AK7: variants seen among roughly 807,000 people sequenced by gnomAD.
AK7 encodes the protein ATP-AMP transphosphorylase 7.
Under a neutral mutation model 96.6 loss-of-function variants are expected in AK7, and 78 were observed. The observed-to-expected ratio is 0.81, with a 90% confidence interval of 0.67 to 0.97. The LOEUF (loss-of-function observed/expected upper bound fraction) is 0.97. Among genes scored for constraint, AK7 ranks in the 50% least tolerant of loss-of-function variants. AK7 has a pLI of 0.00. For synonymous variants in AK7, 302 were observed against 317.2 expected, an observed-to-expected ratio of 0.95 and a Z score of 0.51; for missense variants, 855 against 887.9, an observed-to-expected ratio of 0.96 and a Z score of 0.47.
At chr14:96,453,555 T>A (rs774211865) in intron 10 of AK7, among the ~76,000 whole-genome samples, 7 of 152,232 alleles carry the variant, frequency 4.6e-5, no homozygotes, top group Non-Finnish European at 7.3e-5. Context: ...AAGTCATTGC[T>A]GCTTCAGAGA....
Position 96,395,718 on chromosome 14 carries a change from GAAAAAAAAAAAA to G in AK7, c.106-2342_106-2331del, listed in dbSNP as rs71103518. 5.1e-4 allele frequency among the ~76,000 whole-genome samples: 21 copies of G among 41,042 alleles called. 1 individual carries two copies. The highest frequency in any genetic ancestry group is 7.7e-4 in the Non-Finnish European group (14 of 18,274). The allele number at this position is 41,042 out of a possible 152,430, so 26.9% of individuals were successfully genotyped here. A position where few individuals can be genotyped will look rare whatever the true frequency, so the allele number is the denominator to read the frequency against. On this transcript the variant is annotated intron_variant, in intron 1 of 17. Coordinates refer to ENST00000267584, the MANE Select transcript of AK7 (RefSeq NM_152327.5). ...AGGGCAGAGTAAAACCTTGTCTCTA[GAAAAAAAAAAAA>G]AAAAAAAAAAAAAAGAATGAGGGAA...
intron 12 of AK7, among the ~76,000 whole-genome samples, chr14:96,467,886 A>G (rs780030558): frequency 8.5e-5 from 13 of 152,142 alleles, no homozygotes; most frequent in Non-Finnish European, 1.5e-4. Flanking sequence ...TTATTTACCA[A>G]GTTCAAACTG....
At chr14:96,452,563 C>T (rs527825344) in intron 10 of AK7, among the ~76,000 whole-genome samples, 1 of 152,276 alleles carries the variant, frequency 6.6e-6, no homozygotes, top group East Asian at 1.9e-4. Flanking sequence ...TGGCCTCAAG[C>T]GATCCGCCTG....
intron 2 of AK7, among the ~76,000 whole-genome samples, chr14:96,401,434 T>C (rs1408314968): frequency 2.0e-5 from 3 of 152,116 alleles, no homozygotes; most frequent in African/African-American, 7.2e-5. Flanking sequence ...TGGGATCTAC[T>C]GGAGATGGTG....
At chr14:96,406,231 A>G (rs951045868) in intron 3 of AK7, among the ~76,000 whole-genome samples, 1 of 152,066 alleles carries the variant, frequency 6.6e-6, no homozygotes, top group African/African-American at 2.4e-5. Flanking sequence ...AACCTCATTT[A>G]ATACATCCAA....
intron 16 of AK7, among the ~76,000 whole-genome samples, chr14:96,483,856 C>T (rs1233920939): frequency 6.6e-6 from 1 of 152,142 alleles, no homozygotes; most frequent in Non-Finnish European, 1.5e-5. Context: ...ACCCATCTAA[C>T]CTACCCAGGT....
At chr14:96,444,844 A>C (rs1220869264) in intron 7 of AK7, among the ~76,000 whole-genome samples, 1 of 151,972 alleles carries the variant, frequency 6.6e-6, no homozygotes, top group African/African-American at 2.4e-5. Context: ...CAGCCTCCCA[A>C]GTAGCTGGGA....
chr14:96,422,093 T>C (rs2140043684), intron 5 of AK7, among the ~76,000 whole-genome samples: 1 of 152,302 alleles, frequency 6.6e-6, no homozygotes, highest in Non-Finnish European at 1.5e-5. Context: ...CCAGCATTTA[T>C]TATTAAGTTT....
At chr14:96,431,453 CGTT>C (rs1404379355) in intron 5 of AK7, among the ~76,000 whole-genome samples, 4 of 152,094 alleles carry the variant, frequency 2.6e-5, no homozygotes, top group African/African-American at 7.2e-5. Flanking sequence ...GATTCTGGTA[CGTT>C]GTGTCTTTGT....
At chr14:96,451,361 G>T in intron 9 of AK7, 60 bp from the exon 10 acceptor site, 1 of 1,459,508 alleles carries the variant, frequency 6.9e-7, no homozygotes, top group Non-Finnish European at 9.2e-7. Context: ...ATTTTGGTCT[G>T]TTATGACAGT....
chr14:96,425,305 A>G (rs1286341778), intron 5 of AK7, among the ~76,000 whole-genome samples: 2 of 152,200 alleles, frequency 1.3e-5, no homozygotes, highest in Admixed American at 1.3e-4. Context: ...TGGTTTATCT[A>G]CTGTTATCAC....
chr14:96,444,273 G>A (rs536114363), intron 7 of AK7, among the ~76,000 whole-genome samples: 63 of 152,174 alleles, frequency 4.1e-4, no homozygotes, highest in South Asian at 1.0e-3. Flanking sequence ...TTTCTGCAGA[G>A]ATTTTACATT....
At chr14:96,442,935 A>C (rs779731302) in intron 7 of AK7, 117 bp downstream of exon 7, 10 of 905,074 alleles carry the variant, frequency 1.1e-5, no homozygotes, top group African/African-American at 1.6e-5. Context: ...TATTGTGTTC[A>C]TTCTTCGTAA....
rs777148549 is a variant in AK7, at chr14:96,437,893, G to A, written c.668G>A (p.Gly223Asp). 15 of 1,613,574 alleles carry A rather than the reference G, an allele frequency of 9.3e-6. No individual in the cohort carries two copies. In the African/African-American group the frequency reaches 1.2e-4, roughly 13 times the overall value. Reference protein sequence around the residue: ...AAGLQYGAEGGMLHTFFKMAW... With the variant: ...AAGLQYGAEGDMLHTFFKMAW... ...GGACTCCAGTATGGAGCGGAAGGAG[G>A]CATGTTACACACATTTTTTAAGGTA... The change falls in exon 6 of 18, where the codon GGC becomes GAC. Residue 223 changes from glycine to aspartate, a missense_variant. Gly to Asp is a moderately conservative substitution (Grantham distance 94). Transcript: ENST00000267584.
At chr14:96,424,287 G>A (rs993877522) in intron 5 of AK7, 3 of 411,670 alleles carry the variant, frequency 7.3e-6, no homozygotes, top group African/African-American at 2.2e-5. Flanking sequence ...CGGCGACACG[G>A]GGGTCTCCGC....
chr14:96,486,852 C>A, intron 16 of AK7, 46 bp from the exon 17 acceptor site: 1 of 1,574,346 alleles, frequency 6.4e-7, no homozygotes, highest in South Asian at 1.1e-5. Context: ...AGTGTTCTCC[C>A]CTTTCTCACT....
intron 6 of AK7, 23 bp from the exon 7 acceptor site, chr14:96,442,707 G>T: frequency 6.3e-7 from 1 of 1,594,294 alleles, no homozygotes; most frequent in East Asian, 2.2e-5. Context: ...TGGGGGACAT[G>T]ATTTTGCTTT....
chr14:96,423,933 A>G (rs1891863662), intron 5 of AK7: 2 of 1,065,590 alleles, frequency 1.9e-6, no homozygotes, highest in Non-Finnish European at 1.5e-6. Flanking sequence ...TGCTGATGTC[A>G]CTGCCCTTCA....
intron 9 of AK7, among the ~76,000 whole-genome samples, chr14:96,450,960 G>A (rs1235916565): frequency 6.6e-6 from 1 of 151,868 alleles, no homozygotes; most frequent in African/African-American, 2.4e-5. Flanking sequence ...ATTTTTAGTA[G>A]AGACGAGGTT....
Sources: gnomAD v4.1 joint callset for allele counts (sites outside exome capture counted in the v4.1 genomes callset) on GRCh38, gnomAD v4.1.1 for gene constraint, MANE v1.5 for transcripts, NCBI Gene and HGNC (gene_info 2026-07-23, HGNC 2026-07-21) for gene names.